MED14: variants seen among roughly 807,000 people sequenced by gnomAD.
MED14 encodes the protein mediator complex subunit 14.
A neutral mutation model predicts 109.0 loss-of-function variants in MED14; 8 were observed. That is an observed-to-expected ratio of 0.07 (90% CI 0.04 to 0.13). The LOEUF (loss-of-function observed/expected upper bound fraction) is 0.13. MED14 is among the 10% of genes least tolerant of loss of function. The probability of loss-of-function intolerance (pLI) is 1.00; values close to 1 mark genes in which losing one functional copy is unlikely to be tolerated. For synonymous variants in MED14, 399 were observed against 408.7 expected, an observed-to-expected ratio of 0.98 and a Z score of 0.29; for missense variants, 711 against 1,142.4, an observed-to-expected ratio of 0.62 and a Z score of 5.44.
rs775186516 is a variant in MED14 at position 40,732,113 on chromosome X, T to G, written c.216-2768A>C. Among the ~76,000 whole-genome samples the G allele has an allele frequency of 2.7e-5, 3 of 112,684 alleles. No homozygotes were observed. The East Asian group carries it at 8.3e-4, about 31-fold the overall frequency. ...GTCAGAGAAAATCTTTCTGATAAAT[T>G]GTATGTAAACAAGGACCTAAAGGAC... On this transcript the variant is annotated intron_variant, in intron 1 of 30. Coordinates refer to ENST00000324817, the MANE Select transcript of MED14 (RefSeq NM_004229.4).
At chrX:40,670,899 C>T (rs1343543595) in intron 23 of MED14, among the ~76,000 whole-genome samples, 3 of 112,012 alleles carry the variant, frequency 2.7e-5, no homozygotes, top group African/African-American at 9.7e-5. Context: ...TTTTGTTTGC[C>T]CTGTTTTCTG....
chrX:40,686,279 G>C (rs1172930168), intron 16 of MED14, among the ~76,000 whole-genome samples: 1 of 111,612 alleles, frequency 9.0e-6, no homozygotes, highest in Non-Finnish European at 1.9e-5. Flanking sequence ...AAGAAGAAAG[G>C]AGACTGAAAT....
chrX:40,712,025 T>C (rs1399708974), intron 7 of MED14, among the ~76,000 whole-genome samples, 161 bp downstream of exon 7: 1 of 111,573 alleles, frequency 9.0e-6, no homozygotes, highest in Non-Finnish European at 1.9e-5. Flanking sequence ...CATATCACTA[T>C]TCTTCACTAT....
At position 40,650,119 on chromosome X, in the gene MED14, C is replaced by T. The variant is rs1376458675; in HGVS notation, c.*1687G>A. 6 of 753,211 alleles carry T rather than the reference C, an allele frequency of 8.0e-6. No homozygotes were observed. Among genetic ancestry groups the T allele is most frequent in the East Asian group, 3.0e-4 (2 of 6,690 alleles). 62.1% of individuals were successfully genotyped at this position (753,211 alleles called of 1,213,427 possible). A position where few individuals can be genotyped will look rare whatever the true frequency, so the allele number is the denominator to read the frequency against. On this transcript the variant is annotated 3_prime_UTR_variant, in exon 31 of 31. Coordinates refer to ENST00000324817, the MANE Select transcript of MED14 (RefSeq NM_004229.4). ...GAAAAGGGCTGACCCTTGATAAAGA[C>T]ATCTTAGATTGCCAAACTGATGTGA...
chrX:40,654,575 C>A lies in MED14; in HGVS notation c.4099-19G>T, dbSNP rs149869731. ...GTTGAAGCTGTATACACACAACACA[C>A]ACAAAGAGAATAAAAACATCATAAA... is the stretch of plus-strand genomic sequence containing the variant. On this transcript the variant is annotated intron_variant, in intron 29 of 30. Transcript: ENST00000324817. 15 of 1,190,572 alleles carry A rather than the reference C, an allele frequency of 1.3e-5. No individual in the cohort carries two copies. The highest frequency in any genetic ancestry group is 1.6e-5 in the Non-Finnish European group (14 of 878,941).
In MED14 at chrX:40,710,093, A is replaced by G. The variant is rs749816148; in HGVS notation, c.1059T>C (p.Ser353=). ...QVLGRKTGTA[S]VHKVTIKIDE... ...CAATTTTAATTGTAACTTTGTGAAC[A>G]GATGCTGTTCCAGTTTTTCTCCCAA... is the stretch of plus-strand genomic sequence containing the variant. The change falls in exon 9 of 31, where the codon TCT becomes TCC. Residue 353 remains serine (S), a synonymous_variant. Transcript: ENST00000324817. 1.7e-6 allele frequency: 2 copies of G among 1,183,264 alleles called. No homozygotes were observed. The highest frequency in any genetic ancestry group is 2.3e-6 in the Non-Finnish European group (2 of 882,411).
rs1450794681 is a variant in MED14 at position 40,690,474 on chromosome X, G to A, written c.1980+1709C>T. 2.2e-4 allele frequency among the ~76,000 whole-genome samples: 25 copies of A among 111,305 alleles called. No individual in the cohort carries two copies. In the Admixed American group the frequency reaches 2.3e-3, roughly 10 times the overall value. ...TCGCTCTGTCACCCAGGCTGGAGTG[G>A]CTTGATCTTGGCTCACTGCAACCTC... On this transcript the variant is annotated intron_variant, in intron 15 of 30. Coordinates refer to ENST00000324817, the MANE Select transcript of MED14 (RefSeq NM_004229.4).
At chrX:40,675,045 A>G (rs922892914) in intron 22 of MED14, among the ~76,000 whole-genome samples, 176 bp downstream of exon 22, 5 of 112,450 alleles carry the variant, frequency 4.4e-5, no homozygotes, top group Admixed American at 1.9e-4. Flanking sequence ...AACACTATTC[A>G]TTTCTTGTCA....
At chrX:40,672,529 G>A (rs1929765078) in intron 22 of MED14, among the ~76,000 whole-genome samples, 1 of 112,023 alleles carries the variant, frequency 8.9e-6, no homozygotes, top group Non-Finnish European at 1.9e-5. Flanking sequence ...TTTTCTAGTG[G>A]CAAACGAGAG....
At chrX:40,687,391 CT>C (rs1254801230) in intron 16 of MED14, among the ~76,000 whole-genome samples, 1 of 111,969 alleles carries the variant, frequency 8.9e-6, no homozygotes, top group Non-Finnish European at 1.9e-5. Flanking sequence ...TTACTTTAGT[CT>C]TGTTCCCATT....
chrX:40,650,771 T>TA lies in MED14; in HGVS notation c.*1034_*1035insT. 1.3e-6 allele frequency: 1 copy of TA among 754,145 alleles called. No homozygotes were observed. The allele number at this position is 754,145 out of a possible 1,213,427, so 62.2% of individuals were successfully genotyped here. On this transcript the variant is annotated 3_prime_UTR_variant, in exon 31 of 31. Coordinates refer to ENST00000324817, the MANE Select transcript of MED14 (RefSeq NM_004229.4). Reference sequence around the variant, plus strand: ...TGTTGACAATGAATTAAATTGAAATTGTTTAGAACAATCCCAATTTTGGTG... The same window carrying TA: ...TGTTGACAATGAATTAAATTGAAATTAGTTTAGAACAATCCCAATTTTGGTG...
At chrX:40,660,889 A>G (rs928545898) in intron 26 of MED14, among the ~76,000 whole-genome samples, 2 of 113,092 alleles carry the variant, frequency 1.8e-5, no homozygotes, top group Admixed American at 1.9e-4. Flanking sequence ...ACATGGAGTG[A>G]ATATTTTAAA....
At chrX:40,707,851 T>C (rs1275566739) in intron 10 of MED14, among the ~76,000 whole-genome samples, 1 of 111,880 alleles carries the variant, frequency 8.9e-6, no homozygotes, top group Non-Finnish European at 1.9e-5. Context: ...ATTGTGGTGA[T>C]AGTTGCACAA....
At chrX:40,690,135 A>G (rs1930443718) in intron 15 of MED14, among the ~76,000 whole-genome samples, 1 of 112,124 alleles carries the variant, frequency 8.9e-6, no homozygotes, top group Non-Finnish European at 1.9e-5. Context: ...ACACAATAAA[A>G]GAGTCCAAGA....
intron 6 of MED14, among the ~76,000 whole-genome samples, 187 bp downstream of exon 6, chrX:40,712,727 C>T (rs1931378696): frequency 9.0e-6 from 1 of 111,339 alleles, no homozygotes; most frequent in Non-Finnish European, 1.9e-5. Context: ...TTTGTAGAGA[C>T]AGGGTCTTGC....
chrX:40,689,902 G>A (rs1291397859), intron 15 of MED14, among the ~76,000 whole-genome samples: 1 of 111,756 alleles, frequency 8.9e-6, no homozygotes, highest in Non-Finnish European at 1.9e-5. Context: ...TGTCCCATAT[G>A]TGCAGCAGGT....
intron 25 of MED14, among the ~76,000 whole-genome samples, chrX:40,663,485 G>C (rs1201125917): frequency 3.6e-5 from 4 of 111,817 alleles, no homozygotes; most frequent in Non-Finnish European, 7.5e-5. Flanking sequence ...CTAGTTGTAG[G>C]CCTCAGCTTC....
At chrX:40,674,894 C>G (rs1929860285) in intron 22 of MED14, among the ~76,000 whole-genome samples, 1 of 112,523 alleles carries the variant, frequency 8.9e-6, no homozygotes, top group Admixed American at 9.4e-5. Flanking sequence ...CTACTGTGCT[C>G]TACTTTAATA....
intron 15 of MED14, among the ~76,000 whole-genome samples, chrX:40,691,859 G>A (rs936315729): frequency 1.9e-4 from 20 of 106,067 alleles, no homozygotes; most frequent in Admixed American, 1.6e-3. Context: ...TGATCCACCC[G>A]CCTCGGCCTC....
Sources: allele counts gnomAD v4.1 joint callset (sites outside exome capture counted in the v4.1 genomes callset), GRCh38; gene constraint gnomAD v4.1.1; transcripts MANE v1.5; gene names NCBI Gene and HGNC (gene_info 2026-07-23, HGNC 2026-07-21).